The following FREM2 variants were observed in gnomAD, a reference collection of about 807,000 sequenced individuals.
The protein encoded by FREM2 is FRAS1 related extracellular matrix 2.
Under a neutral mutation model 219.9 loss-of-function variants are expected in FREM2, and 119 were observed. That is an observed-to-expected ratio of 0.54 (90% confidence interval 0.47 to 0.63). FREM2 has a LOEUF of 0.63. FREM2 is among the 30% of genes least tolerant of loss of function. The pLI, the probability that FREM2 is intolerant of heterozygous loss-of-function variation, is 0.00. For missense variants in FREM2, 4,030 were observed against 3,993.6 expected (o/e 1.01, Z -0.25); for synonymous variants, 1,562 against 1,522.8 (o/e 1.03, Z -0.60).
At position 38,691,335 on chromosome 13, in the gene FREM2, G is replaced by T. The variant is rs1161305788; in HGVS notation, c.3991G>T (p.Asp1331Tyr). 1.2e-6 allele frequency: 2 copies of T among 1,613,990 alleles called. No homozygotes were observed. Among genetic ancestry groups the T allele is most frequent in the South Asian group, 1.1e-5 (1 of 91,076 alleles). Residue 1331 changes from aspartate to tyrosine, a missense_variant, in exon 1 of 24, where the codon GAT (aspartate) becomes TAT (tyrosine). Asp to Tyr is a radical substitution (Grantham distance 160). Around this residue, in one of 2 missense-constraint regions of FREM2, gnomAD observed 3,102 missense variants for 2,950.7 expected, o/e 1.05. Coordinates refer to ENST00000280481, the MANE Select transcript of FREM2 (RefSeq NM_207361.6). ...IINNKILMAT[D>Y]LDSEDKSLVY... Reference sequence around the variant, plus strand: ...CAACAACAAAATATTAATGGCAACAGATTTAGATTCAGAAGACAAATCTTT... The same window carrying T: ...CAACAACAAAATATTAATGGCAACATATTTAGATTCAGAAGACAAATCTTT...
At position 38,692,119 on chromosome 13, in the gene FREM2, T is replaced by C; in HGVS notation, c.4775T>C (p.Phe1592Ser). The part of the protein sequence containing the change: ...LFNNTRPVMV[F>S]TKQDLNENLI... ...AACAATACCAGACCTGTCATGGTTT[T>C]TACCAAGCAAGACTTGAATGAAAAC... Residue 1592 changes from phenylalanine to serine, a missense_variant, in exon 1 of 24, where the codon TTT becomes TCT. Coordinates refer to ENST00000280481, the MANE Select transcript of FREM2 (RefSeq NM_207361.6). The C allele has an allele frequency of 6.2e-7, 1 of 1,614,234 alleles. No homozygotes were observed. The highest frequency in any genetic ancestry group is 8.5e-7 in the Non-Finnish European group (1 of 1,180,034).
intron 2 of FREM2, among the ~76,000 whole-genome samples, chr13:38,698,852 CA>C (rs1050127246): frequency 5.9e-5 from 9 of 152,018 alleles, no homozygotes; most frequent in Non-Finnish European, 1.0e-4. Flanking sequence ...GAGTGTGTGC[CA>C]GAGAGGCAAA....
At chr13:38,878,056 T>C in intron 21 of FREM2, 78 bp from the exon 22 acceptor site, 2 of 1,208,160 alleles carry the variant, frequency 1.7e-6, no homozygotes, top group Non-Finnish European at 2.5e-6. Flanking sequence ...GTGTCCTCAT[T>C]GTCATAACCT....
At chr13:38,726,440 A>G (rs1157817276) in intron 2 of FREM2, among the ~76,000 whole-genome samples, 2 of 152,210 alleles carry the variant, frequency 1.3e-5, no homozygotes, top group Non-Finnish European at 1.5e-5. Context: ...TAAGAAGAGC[A>G]GTTCCCCTTG....
intron 3 of FREM2, among the ~76,000 whole-genome samples, chr13:38,767,048 A>T (rs1873465029): frequency 6.6e-6 from 1 of 152,234 alleles, no homozygotes; most frequent in Non-Finnish European, 1.5e-5. Context: ...AGGCTGTGAC[A>T]TGTTTAAAGT....
chr13:38,693,633 G>A (rs529575271), intron 1 of FREM2, among the ~76,000 whole-genome samples: 2 of 152,174 alleles, frequency 1.3e-5, no homozygotes, highest in South Asian at 4.1e-4. Context: ...TTCCTATGTG[G>A]GATCCATGGG....
intron 6 of FREM2, among the ~76,000 whole-genome samples, chr13:38,786,204 A>G (rs934977495): frequency 3.3e-5 from 5 of 152,070 alleles, no homozygotes; most frequent in South Asian, 2.1e-4. Context: ...CTTCCCCCAT[A>G]TCCCCCATCT....
At chr13:38,710,851 T>A in intron 2 of FREM2, among the ~76,000 whole-genome samples, 1 of 152,250 alleles carries the variant, frequency 6.6e-6, no homozygotes, top group East Asian at 1.9e-4. Flanking sequence ...AAATGGAAGC[T>A]TGTGCTTACT....
At chr13:38,795,775 A>C (rs973608694) in intron 6 of FREM2, among the ~76,000 whole-genome samples, 1 of 152,088 alleles carries the variant, frequency 6.6e-6, no homozygotes, top group Non-Finnish European at 1.5e-5. Flanking sequence ...TCTGGTATCT[A>C]TCATTCTATT....
chr13:38,795,507 A>G (rs1160225756), intron 6 of FREM2, among the ~76,000 whole-genome samples: 4 of 152,076 alleles, frequency 2.6e-5, no homozygotes, highest in African/African-American at 7.2e-5. Context: ...TATTTGTTAC[A>G]TGCATAGAAT....
chr13:38,805,588 T>C lies in FREM2; in HGVS notation c.6019+20780T>C, dbSNP rs202077078. Among the ~76,000 whole-genome samples, 65 of 151,914 alleles carry C rather than the reference T, an allele frequency of 4.3e-4. 9 individuals carry two copies. In the East Asian group the frequency reaches 0.013, roughly 30 times the overall value. On this transcript the variant is annotated intron_variant, in intron 6 of 23. Transcript: ENST00000280481. ...AAGTCACATGTCTGATGGTGGCAGT[T>C]GAAATAAGGAGGGTAGATGACATCT...
rs1342802145 is a variant in FREM2, at chr13:38,830,837, A to AGAG, written c.6020-15735_6020-15734insAGG. ...ATCTCGGGAACCTCTGCACTACAGC[A>AGAG]GCTGTCACCTGTTACAATCACTCTG... On this transcript the variant is annotated intron_variant, in intron 6 of 23. Transcript: ENST00000280481. Among the ~76,000 whole-genome samples the AGAG allele has an allele frequency of 7.9e-5, 12 of 152,318 alleles. No homozygotes were observed. The East Asian group carries it at 2.1e-3, about 27-fold the overall frequency.
intron 6 of FREM2, among the ~76,000 whole-genome samples, chr13:38,840,593 CA>C (rs1181472110): frequency 1.4e-5 from 2 of 147,244 alleles, no homozygotes; most frequent in Non-Finnish European, 3.0e-5. Flanking sequence ...ATCAATATCT[CA>C]AATATTTTTT....
intron 6 of FREM2, among the ~76,000 whole-genome samples, chr13:38,803,688 C>T (rs151289967): frequency 1.6e-3 from 247 of 150,456 alleles, no homozygotes; most frequent in African/African-American, 4.0e-3. Flanking sequence ...TGTGTGACAA[C>T]CCGCAGGGGT....
At chr13:38,706,279 C>T (rs1332592138) in intron 2 of FREM2, among the ~76,000 whole-genome samples, 1 of 152,148 alleles carries the variant, frequency 6.6e-6, no homozygotes, top group Non-Finnish European at 1.5e-5. Flanking sequence ...CTCTAATACA[C>T]TGAGCCATAA....
At position 38,792,549 on chromosome 13, in the gene FREM2, GTTAT is replaced by G. The variant is rs902708743; in HGVS notation, c.6019+7747_6019+7750del. ...TAATATGTTGTTATAATTATTCTAT[GTTAT>G]TTATTATTGTTGTTAATCTCTTACT... On this transcript the variant is annotated intron_variant, in intron 6 of 23. Coordinates refer to ENST00000280481, the MANE Select transcript of FREM2 (RefSeq NM_207361.6). Among the ~76,000 whole-genome samples the G allele has an allele frequency of 1.4e-4, 22 of 152,140 alleles. 1 individual carries two copies. The South Asian group carries it at 1.4e-3, about 10-fold the overall frequency.
At position 38,882,335 on chromosome 13, in the gene FREM2, T is replaced by G. The variant is rs759136592; in HGVS notation, c.*1548T>G. 6.6e-6 allele frequency: 1 copy of G among 152,198 alleles called. No homozygotes were observed. The highest frequency in any genetic ancestry group is 6.5e-5 in the Admixed American group (1 of 15,284). 9.4% of individuals were successfully genotyped at this position (152,198 alleles called of 1,614,324 possible). On this transcript the variant is annotated 3_prime_UTR_variant, in exon 24 of 24. Transcript: ENST00000280481. ...GACTTCTAGCCATAAGCTGGCCACA[T>G]TGGACATCTTGGTCACTGCAGAATT...
At chr13:38,805,696 A>G (rs982760714) in intron 6 of FREM2, among the ~76,000 whole-genome samples, 3 of 151,924 alleles carry the variant, frequency 2.0e-5, no homozygotes, top group Admixed American at 6.6e-5. Flanking sequence ...GAGTATGTGA[A>G]GTGGAATAAT....
chr13:38,867,651 G>T (rs755685719), intron 16 of FREM2, among the ~76,000 whole-genome samples: 2 of 152,130 alleles, frequency 1.3e-5, no homozygotes, highest in Non-Finnish European at 2.9e-5. Flanking sequence ...CAGTGGTGTG[G>T]CCCACTCCAA....
Sources: gnomAD v4.1 joint callset for allele counts (sites outside exome capture counted in the v4.1 genomes callset) on GRCh38, gnomAD v4.1.1 for gene constraint, gnomAD v4.1.1 regional missense constraint, MANE v1.5 for transcripts, NCBI Gene and HGNC (gene_info 2026-07-23, HGNC 2026-07-21) for gene names.